The following MIER2 variants were observed in gnomAD, a reference collection of about 807,000 sequenced individuals.
The protein encoded by MIER2 is MIER family member 2, also known as mesoderm induction early response protein 2.
In MIER2, 30 loss-of-function variants were observed where a neutral mutation model predicts 67.6. The ratio of observed to expected loss-of-function variants is 0.44; its 90% CI spans 0.33 to 0.60. MIER2 has a LOEUF of 0.60. MIER2 is among the 20% of genes least tolerant of loss of function. MIER2 has a pLI of 0.02. For missense variants in MIER2, 702 were observed against 745.1 expected (o/e 0.94, Z 0.67); for synonymous variants, 372 against 312.6 (o/e 1.19, Z -2.00).
Position 308,857 on chromosome 19 carries a change from G to T in MIER2, c.1053C>A (p.Asp351Glu). Residue 351 changes from aspartate (D) to glutamate (E), a missense_variant, in exon 11 of 14, where the codon GAC becomes GAA. By Grantham distance (45) the Asp-to-Glu change is conservative. This residue lies in a region of MIER2 where 128 missense variants were observed against 189.7 expected (regional missense o/e 0.67). Coordinates refer to ENST00000264819, the MANE Select transcript of MIER2 (RefSeq NM_017550.3). The surrounding 1 kb of genome is among the most constrained non-coding windows in gnomAD (Gnocchi z 9.1). Reference sequence around the variant, plus strand: ...CCAGCCGCGTCTGCTGGGCGAAGTAGTCGTAGCGCTCCGACTTCTTCCACA... The same window carrying T: ...CCAGCCGCGTCTGCTGGGCGAAGTATTCGTAGCGCTCCGACTTCTTCCACA... Reference protein sequence around the residue: ...YYLWKKSERYDYFAQQTRLGR... With the variant: ...YYLWKKSERYEYFAQQTRLGR... 1 of 1,611,768 alleles carries T rather than the reference G, an allele frequency of 6.2e-7. No individual in the cohort carries two copies. The highest frequency in any genetic ancestry group is 8.5e-7 in the Non-Finnish European group (1 of 1,178,638).
rs369315378 is a variant in MIER2, at chr19:319,553, G to C, written c.656-5910C>G. ...GGCTCACTGCAACCGCTGCCTCCCGGGTTCAAGTGATTCTCCTGCCTCAGC... is the reference window on the plus strand; with the variant it reads ...GGCTCACTGCAACCGCTGCCTCCCGCGTTCAAGTGATTCTCCTGCCTCAGC... On this transcript the variant is annotated intron_variant, in intron 7 of 13. Transcript: ENST00000264819. Among the ~76,000 whole-genome samples the C allele has an allele frequency of 1.6e-3, 239 of 152,246 alleles. 1 individual carries two copies. Among genetic ancestry groups the C allele is most frequent in the African/African-American group, 5.3e-3 (220 of 41,550 alleles).
At chr19:319,617 C>G (rs1186010417) in intron 7 of MIER2, among the ~76,000 whole-genome samples, 1 of 152,070 alleles carries the variant, frequency 6.6e-6, no homozygotes, top group Non-Finnish European at 1.5e-5. Context: ...TGCCACCACG[C>G]TCAGCTAATT....
intron 3 of MIER2, among the ~76,000 whole-genome samples, chr19:331,798 T>C (rs532377781): frequency 1.1e-4 from 17 of 151,996 alleles, no homozygotes; most frequent in African/African-American, 4.1e-4. Context: ...CTGTCCAACA[T>C]GATGAAACCC....
chr19:320,958 T>C (rs140959053), intron 7 of MIER2, among the ~76,000 whole-genome samples: 7 of 152,222 alleles, frequency 4.6e-5, no homozygotes, highest in African/African-American at 1.7e-4. Flanking sequence ...ACGTCGGCAC[T>C]ACATTTAGGG....
intron 13 of MIER2, 63 bp from the exon 14 acceptor site, chr19:306,774 C>G: frequency 1.3e-6 from 2 of 1,550,086 alleles, no homozygotes; most frequent in Non-Finnish European, 1.7e-6. Flanking sequence ...GCCTGCACAG[C>G]CCAGTGCTGA....
At chr19:316,496 GCC>G (rs1366091853) in intron 7 of MIER2, among the ~76,000 whole-genome samples, 1 of 152,054 alleles carries the variant, frequency 6.6e-6, no homozygotes, top group Non-Finnish European at 1.5e-5. Context: ...CACCATGTTG[GCC>G]AGGCTGGTCT....
At position 311,962 on chromosome 19, in the gene MIER2, C is replaced by T. The variant is rs141578631; in HGVS notation, c.890-23G>A. 2.8e-4 allele frequency: 444 copies of T among 1,610,754 alleles called. 2 individuals carry two copies. In the East Asian group the frequency reaches 4.9e-3, roughly 18 times the overall value. ...CATCTGCAAACACGGCCGGGGAGAA[C>T]GGTCAGTGGTGCCCAGGGCGGGGCC... On this transcript the variant is annotated intron_variant, in intron 9 of 13. Transcript: ENST00000264819.
rs976649810 is a variant in MIER2, at chr19:321,983, C to A, written c.655+3652G>T. 1.0e-4 allele frequency among the ~76,000 whole-genome samples: 15 copies of A among 150,108 alleles called. No individual in the cohort carries two copies. In the East Asian group the frequency reaches 2.9e-3, roughly 29 times the overall value. On this transcript the variant is annotated intron_variant, in intron 7 of 13. Transcript: ENST00000264819. ...GCAGTGGCGCGATCTCGGCTCACTG[C>A]AAGCTCCGCCTCCCGGGTTCACGCC...
At chr19:307,814 G>A (rs186244523) in intron 12 of MIER2, among the ~76,000 whole-genome samples, 55 of 120,132 alleles carry the variant, frequency 4.6e-4, no homozygotes, top group African/African-American at 1.9e-3. Context: ...AAACAATGCC[G>A]GGGGCACTGC....
At chr19:327,843 C>G in intron 4 of MIER2, 21 bp downstream of exon 4, 1 of 1,610,450 alleles carries the variant, frequency 6.2e-7, no homozygotes, top group Non-Finnish European at 8.5e-7. Flanking sequence ...TGAGCCAGTT[C>G]CAGGAAGGGC....
Position 308,985 on chromosome 19 carries a change from C to T in MIER2, c.985-60G>A. 1 of 1,566,234 alleles carries T rather than the reference C, an allele frequency of 6.4e-7. No homozygotes were observed. The highest frequency in any genetic ancestry group is 8.7e-7 in the Non-Finnish European group (1 of 1,150,810). On this transcript the variant is annotated intron_variant, in intron 10 of 13. Coordinates refer to ENST00000264819, the MANE Select transcript of MIER2 (RefSeq NM_017550.3). This position sits in a 1 kb window ranked among gnomAD's most constrained non-coding sequence, Gnocchi z 9.1. Reference sequence around the variant, plus strand: ...GGCTGCCCAGCCCCAGCACCTGCACCACGATCCCAGGACGTCCTGGGACCC... The same window carrying T: ...GGCTGCCCAGCCCCAGCACCTGCACTACGATCCCAGGACGTCCTGGGACCC...
intron 10 of MIER2, among the ~76,000 whole-genome samples, chr19:309,566 G>A (rs1054576726): frequency 1.3e-5 from 2 of 148,788 alleles, no homozygotes; most frequent in Middle Eastern, 3.5e-3. Flanking sequence ...TCAGGGAGAC[G>A]AGAAGGGACA....
rs200995631 is a variant in MIER2, at chr19:328,003, G to A, written c.244-14C>T. On this transcript the variant is annotated splice_polypyrimidine_tract_variant and intron_variant, in intron 3 of 13. Coordinates refer to ENST00000264819, the MANE Select transcript of MIER2 (RefSeq NM_017550.3). ...CATGTCGTTGCTCTGAGTTGGGGAA[G>A]GGAACAAGGCCCCATCAGGAGGGAC... 1 of 1,612,866 alleles carries A rather than the reference G, an allele frequency of 6.2e-7. No homozygotes were observed. The highest frequency in any genetic ancestry group is 2.2e-5 in the East Asian group (1 of 44,646).
intron 7 of MIER2, among the ~76,000 whole-genome samples, chr19:318,691 G>C (rs148322705): frequency 2.0e-5 from 3 of 152,174 alleles, no homozygotes; most frequent in Non-Finnish European, 4.4e-5. Context: ...GACATAAAGC[G>C]AGGTGCAACT....
chr19:309,695 C>T (rs1466263244), intron 10 of MIER2, among the ~76,000 whole-genome samples: 1 of 71,618 alleles, frequency 1.4e-5, no homozygotes, highest in African/African-American at 8.3e-5. Context: ...TTCAGGGAGA[C>T]GAGAAGGGAC....
chr19:326,680 A>G (rs1971768135), intron 5 of MIER2, 82 bp from the exon 6 acceptor site: 2 of 1,081,142 alleles, frequency 1.8e-6, no homozygotes, highest in Admixed American at 3.5e-5. Flanking sequence ...CCCATTCTCC[A>G]TCCACCTGAT....
intron 1 of MIER2, among the ~76,000 whole-genome samples, chr19:337,477 A>T (rs899202851): frequency 2.0e-5 from 3 of 152,178 alleles, no homozygotes; most frequent in Non-Finnish European, 4.4e-5. Context: ...TTTCTCCTTC[A>T]CACCATGAGC....
chr19:323,566 G>A (rs1414929173), intron 7 of MIER2, among the ~76,000 whole-genome samples: 1 of 142,976 alleles, frequency 7.0e-6, no homozygotes, highest in African/African-American at 2.6e-5. Flanking sequence ...CCATGCAGAT[G>A]ACTCAAATGA....
intron 7 of MIER2, among the ~76,000 whole-genome samples, chr19:315,919 A>G (rs72984446): frequency 0.13 from 19,569 of 152,292 alleles, 1,653 homozygotes; most frequent in African/African-American, 0.22. Context: ...AAAACAAACA[A>G]ATAAAGGAAA....
Sources: gnomAD v4.1 joint callset for allele counts (sites outside exome capture counted in the v4.1 genomes callset) on GRCh38, gnomAD v4.1.1 for gene constraint, gnomAD v4.1.1 regional missense constraint, Gnocchi (gnomAD v3.1) non-coding constraint, MANE v1.5 for transcripts, NCBI Gene and HGNC (gene_info 2026-07-23, HGNC 2026-07-21) for gene names.